The following MMS22L variants were observed in gnomAD, a reference collection of about 807,000 sequenced individuals.
The protein encoded by MMS22L is protein MMS22-like.
In MMS22L, 74 loss-of-function variants were observed where a neutral mutation model predicts 159.1. The ratio of observed to expected loss-of-function variants is 0.47; its 90% CI spans 0.39 to 0.56. MMS22L has a LOEUF of 0.56. Ranked by LOEUF, MMS22L falls within the 20% of genes least tolerant of loss-of-function variation. MMS22L has a pLI of 0.00. For synonymous variants in MMS22L, 517 were observed against 506.9 expected, an observed-to-expected ratio of 1.02 and a Z score of -0.27; for missense variants, 1,351 against 1,422.1, an observed-to-expected ratio of 0.95 and a Z score of 0.80.
chr6:97,163,178 C>T (rs1802621452), intron 21 of MMS22L, among the ~76,000 whole-genome samples: 1 of 151,920 alleles, frequency 6.6e-6, no homozygotes. Flanking sequence ...CAGTGGAATG[C>T]CAGGTACATG....
chr6:97,256,848 G>A (rs753396889), intron 9 of MMS22L, among the ~76,000 whole-genome samples: 1 of 152,168 alleles, frequency 6.6e-6, no homozygotes, highest in African/African-American at 2.4e-5. Flanking sequence ...TAAGGAGTCT[G>A]AGACAGGAGG....
At chr6:97,157,438 C>A (rs1051041359) in intron 22 of MMS22L, among the ~76,000 whole-genome samples, 2 of 152,058 alleles carry the variant, frequency 1.3e-5, no homozygotes, top group African/African-American at 4.8e-5. Flanking sequence ...CCATTCAGTA[C>A]GATATTGGCT....
chr6:97,262,851 A>G (rs1396817568), intron 9 of MMS22L, among the ~76,000 whole-genome samples: 3 of 152,182 alleles, frequency 2.0e-5, no homozygotes, highest in Non-Finnish European at 2.9e-5. Flanking sequence ...AGCACTTGAA[A>G]TAAAATAAAG....
At chr6:97,189,139 T>C (rs980403460) in intron 14 of MMS22L, among the ~76,000 whole-genome samples, 1 of 151,302 alleles carries the variant, frequency 6.6e-6, no homozygotes, top group Non-Finnish European at 1.5e-5. Flanking sequence ...TTCAAGGCAA[T>C]AATGAGAAAG....
chr6:97,269,250 A>G (rs1469681700), intron 7 of MMS22L, among the ~76,000 whole-genome samples: 1 of 152,146 alleles, frequency 6.6e-6, no homozygotes, highest in Non-Finnish European at 1.5e-5. Context: ...AAAATAAAAT[A>G]TAATTGATAA....
chr6:97,179,903 T>C (rs957849271), intron 16 of MMS22L, among the ~76,000 whole-genome samples: 1 of 152,116 alleles, frequency 6.6e-6, no homozygotes, highest in Non-Finnish European at 1.5e-5. Flanking sequence ...GGTGAGATAA[T>C]AATGAAGGAA....
intron 23 of MMS22L, among the ~76,000 whole-genome samples, chr6:97,150,860 A>G (rs1465845199): frequency 6.6e-6 from 1 of 152,206 alleles, no homozygotes; most frequent in Non-Finnish European, 1.5e-5. Context: ...ATCTTCAGAA[A>G]GAAATACAAA....
At chr6:97,241,587 T>A (rs996231662) in intron 11 of MMS22L, among the ~76,000 whole-genome samples, 1 of 152,188 alleles carries the variant, frequency 6.6e-6, no homozygotes, top group Non-Finnish European at 1.5e-5. Context: ...TTCTTGGCCA[T>A]TTACATATCT....
chr6:97,192,153 A>G (rs1350104775), intron 14 of MMS22L, among the ~76,000 whole-genome samples: 1 of 149,570 alleles, frequency 6.7e-6, no homozygotes, highest in African/African-American at 2.5e-5. Context: ...AGGAGGGGGT[A>G]AGTAGGTGGT....
At chr6:97,156,691 G>C (rs970272026) in intron 22 of MMS22L, among the ~76,000 whole-genome samples, 2 of 152,168 alleles carry the variant, frequency 1.3e-5, no homozygotes, top group African/African-American at 2.4e-5. Flanking sequence ...GTTGGTACCA[G>C]TACCATGCTG....
At chr6:97,155,677 T>C (rs924510436) in intron 22 of MMS22L, among the ~76,000 whole-genome samples, 1 of 152,156 alleles carries the variant, frequency 6.6e-6, no homozygotes, top group African/African-American at 2.4e-5. Context: ...TATTCCATGG[T>C]GTATATATGT....
chr6:97,175,309 T>C (rs1011872383), intron 18 of MMS22L, among the ~76,000 whole-genome samples: 1 of 152,218 alleles, frequency 6.6e-6, no homozygotes, highest in East Asian at 1.9e-4. Context: ...CTGTATGATT[T>C]ATTGTGGTAT....
chr6:97,206,382 TACACACAC>T (rs58135635), intron 14 of MMS22L, among the ~76,000 whole-genome samples: 3 of 146,738 alleles, frequency 2.0e-5, no homozygotes, highest in African/African-American at 5.0e-5. Flanking sequence ...ACCTCGCATG[TACACACAC>T]ACACACACAC....
intron 7 of MMS22L, among the ~76,000 whole-genome samples, chr6:97,268,399 A>G (rs1336700060): frequency 6.6e-6 from 1 of 152,102 alleles, no homozygotes; most frequent in African/African-American, 2.4e-5. Context: ...CGTGTTAGCC[A>G]GGATGGTCTC....
chr6:97,246,384 C>T (rs900015840), intron 11 of MMS22L, among the ~76,000 whole-genome samples: 4 of 152,120 alleles, frequency 2.6e-5, no homozygotes, highest in African/African-American at 7.2e-5. Context: ...GAAGCATCTA[C>T]CACTTATTTT....
intron 8 of MMS22L, 138 bp downstream of exon 8, chr6:97,267,734 G>C: frequency 1.4e-6 from 1 of 711,110 alleles, no homozygotes; most frequent in Non-Finnish European, 2.0e-6. Flanking sequence ...TTCCCTTTCA[G>C]CTCCCAGATA....
intron 11 of MMS22L, among the ~76,000 whole-genome samples, chr6:97,239,656 T>C (rs1209542204): frequency 2.0e-5 from 3 of 152,294 alleles, no homozygotes; most frequent in Non-Finnish European, 4.4e-5. Context: ...CTCCCATCTG[T>C]AATCCCAAGC....
intron 19 of MMS22L, among the ~76,000 whole-genome samples, chr6:97,170,629 C>T (rs1803443474): frequency 6.6e-6 from 1 of 152,068 alleles, no homozygotes; most frequent in Non-Finnish European, 1.5e-5. Flanking sequence ...TGTATTTTGC[C>T]TACTTTCTAC....
intron 14 of MMS22L, among the ~76,000 whole-genome samples, chr6:97,203,076 C>T (rs950385577): frequency 2.0e-5 from 3 of 152,128 alleles, no homozygotes; most frequent in Admixed American, 6.6e-5. Flanking sequence ...ACATACAAAG[C>T]TTTTTGTTAT....
Sources: allele counts gnomAD v4.1 joint callset (sites outside exome capture counted in the v4.1 genomes callset), GRCh38; gene constraint gnomAD v4.1.1; transcripts MANE v1.5; gene names NCBI Gene and HGNC (gene_info 2026-07-23, HGNC 2026-07-21).